The following OXNAD1 variants were observed in gnomAD, a reference collection of about 807,000 sequenced individuals.
OXNAD1 encodes oxidoreductase NAD binding domain containing 1.
In OXNAD1, 34 loss-of-function variants were observed where a neutral mutation model predicts 32.9. That is an observed-to-expected ratio of 1.03 (90% CI 0.79 to 1.38). The LOEUF is 1.38. Among genes scored for constraint, OXNAD1 ranks in the 40% most tolerant of loss-of-function variants. The pLI, the probability that OXNAD1 is intolerant of heterozygous loss-of-function variation, is 0.00. For synonymous variants in OXNAD1, 134 were observed against 135.2 expected (o/e 0.99, Z 0.06); for missense variants, 407 against 379.4 (o/e 1.07, Z -0.60).
chr3:16,272,130 T>A (rs1231394584), intron 4 of OXNAD1: 1 of 445,978 alleles, frequency 2.2e-6, no homozygotes, highest in Admixed American at 2.6e-5. Flanking sequence ...GTTCTTGTTC[T>A]CATTCCTGCT....
chr3:16,303,618 G>A lies in OXNAD1; in HGVS notation c.*56G>A, dbSNP rs558199411. The A allele has an allele frequency of 3.6e-5, 56 of 1,541,202 alleles. No individual in the cohort carries two copies. In the East Asian group the frequency reaches 1.1e-3, roughly 31 times the overall value. Reference sequence around the variant, plus strand: ...GTGAGATCTACTCAGGAGAGCTCCTGTCCTTTGTGGCATGATTAATTTTTT... The same window carrying A: ...GTGAGATCTACTCAGGAGAGCTCCTATCCTTTGTGGCATGATTAATTTTTT... On this transcript the variant is annotated 3_prime_UTR_variant, in exon 9 of 9. Coordinates refer to ENST00000285083, the MANE Select transcript of OXNAD1 (RefSeq NM_138381.5). The surrounding 1 kb of genome is among the most constrained non-coding windows in gnomAD (Gnocchi z 4.8).
chr3:16,328,848 T>C (rs1407469220), intron 9 of OXNAD1, among the ~76,000 whole-genome samples: 1 of 152,250 alleles, frequency 6.6e-6, no homozygotes, highest in Non-Finnish European at 1.5e-5. Flanking sequence ...GGCCAGAATC[T>C]ATCAGCTGTT....
In OXNAD1 at chr3:16,324,616, C is replaced by A. The variant is rs903809741; in HGVS notation, c.*31-12496C>A. Among the ~76,000 whole-genome samples, 6 of 144,880 alleles carry A rather than the reference C, an allele frequency of 4.1e-5. 1 individual carries two copies. Among genetic ancestry groups the A allele is most frequent in the Admixed American group, 2.1e-4 (3 of 14,500 alleles). On this transcript the variant is annotated intron_variant, in intron 9 of 9. Coordinates refer to the OXNAD1 transcript ENST00000435829. ...AATAAATAACAGAATGTCCCTGACC[C>A]CCCCCCTTTTAAGGTTGCATAGTAT...
At chr3:16,319,056 G>A (rs1219055801) in intron 9 of OXNAD1, among the ~76,000 whole-genome samples, 3 of 152,188 alleles carry the variant, frequency 2.0e-5, no homozygotes, top group Admixed American at 1.3e-4. Flanking sequence ...CAGGCACCGT[G>A]TTATGGTTCG....
At chr3:16,307,003 T>G (rs2067607934), downstream of OXNAD1, among the ~76,000 whole-genome samples, 1 of 152,240 alleles carries the variant, frequency 6.6e-6, no homozygotes. Context: ...ATTATCCATT[T>G]CTGTTATTCT....
intron 9 of OXNAD1, among the ~76,000 whole-genome samples, chr3:16,331,680 C>A (rs555284239): frequency 6.6e-6 from 1 of 152,226 alleles, no homozygotes; most frequent in Non-Finnish European, 1.5e-5. Flanking sequence ...GACATCATTT[C>A]TGAAACTTTG....
In OXNAD1 at chr3:16,301,678, A is replaced by C; in HGVS notation, c.485A>C (p.Asp162Ala). 1 of 1,613,856 alleles carries C rather than the reference A, an allele frequency of 6.2e-7. No homozygotes were observed. The highest frequency in any genetic ancestry group is 1.3e-5 in the African/African-American group (1 of 75,010). Residue 162 changes from aspartate to alanine, a missense_variant, in exon 7 of 9, where the codon GAC (aspartate) becomes GCC (alanine). Physicochemically the swap from Asp to Ala is moderately radical, Grantham distance 126. Transcript: ENST00000285083. The surrounding 1 kb of genome is among the most constrained non-coding windows in gnomAD (Gnocchi z 4.1). The part of the protein sequence containing the change: ...AVRVGGEFFF[D>A]PQPADASRNL... The stretch of plus-strand genomic sequence containing the variant: ...AGAGTGGGTGGAGAGTTCTTCTTTG[A>C]CCCTCAGCCTGCGGATGCCTCTAGA...
Position 16,345,817 on chromosome 3 carries a change from TGCGCGC to T in OXNAD1, c.*31-3353_*31-3348del, listed in dbSNP as rs1553726165. Among the ~76,000 whole-genome samples the T allele has an allele frequency of 0.02, 1,490 of 74,524 alleles. 11 individuals are homozygous for T. Among genetic ancestry groups the T allele is most frequent in the Middle Eastern group, 0.054 (8 of 148 alleles). 48.9% of individuals were successfully genotyped at this position (74,524 alleles called of 152,430 possible). The stretch of plus-strand genomic sequence containing the variant: ...GTGTGTGTGTGTGTGTGTGTGTGTG[TGCGCGC>T]GCGCGTGCGCGCACGCGCACATGTG... On this transcript the variant is annotated intron_variant, in intron 9 of 9. Coordinates refer to the OXNAD1 transcript ENST00000606098. The surrounding 1 kb of genome is among the most constrained non-coding windows in gnomAD (Gnocchi z 5.2).
rs1214331729 is a variant in OXNAD1, at chr3:16,346,778, A to G, written c.*31-2398A>G. 6.6e-6 allele frequency among the ~76,000 whole-genome samples: 1 copy of G among 152,200 alleles called. No individual in the cohort carries two copies. Among genetic ancestry groups the G allele is most frequent in the African/African-American group, 2.4e-5 (1 of 41,448 alleles). ...TCTTCACGGTTGTCATCACATTTGC[A>G]TGAGACACCTAGAATTGCCACAGTC... is the stretch of plus-strand genomic sequence containing the variant. On this transcript the variant is annotated intron_variant, in intron 9 of 9. Coordinates refer to the OXNAD1 transcript ENST00000606098. This position sits in a 1 kb window ranked among gnomAD's most constrained non-coding sequence, Gnocchi z 4.4.
intron 4 of OXNAD1, among the ~76,000 whole-genome samples, chr3:16,272,647 C>CTTTT (rs35628992): frequency 2.7e-5 from 3 of 112,756 alleles, no homozygotes; most frequent in East Asian, 2.5e-4. Context: ...GCTTAAAGTT[C>CTTTT]TTTTTTTTTT....
chr3:16,304,152 T>A lies in OXNAD1; in HGVS notation c.*590T>A, dbSNP rs2067383364. ...AATATCCAGCATATTTGCTTTCTTGTTAATGAATATCCTAAGTGTGTATCC... is the reference window on the plus strand; with the variant it reads ...AATATCCAGCATATTTGCTTTCTTGATAATGAATATCCTAAGTGTGTATCC... On this transcript the variant is annotated 3_prime_UTR_variant, in exon 9 of 9. Transcript: ENST00000285083. The surrounding 1 kb of genome is among the most constrained non-coding windows in gnomAD (Gnocchi z 4.6). 6.6e-6 allele frequency: 1 copy of A among 152,310 alleles called. No individual in the cohort carries two copies. The highest frequency in any genetic ancestry group is 2.1e-4 in the South Asian group (1 of 4,838). The allele number at this position is 152,310 out of a possible 1,614,324, so 9.4% of individuals were successfully genotyped here. A position where few individuals can be genotyped will look rare whatever the true frequency, so the allele number is the denominator to read the frequency against.
Position 16,344,375 on chromosome 3 carries a change from A to G in OXNAD1, c.*31-4801A>G, listed in dbSNP as rs908941562. On this transcript the variant is annotated intron_variant, in intron 9 of 9. Transcript: ENST00000606098. The surrounding 1 kb of genome is among the most constrained non-coding windows in gnomAD (Gnocchi z 4.4). ...AGGATGCTTCCTATAGGCATCAACTATAATCTAATTTAGAAACAACATGTA... is the reference window on the plus strand; with the variant it reads ...AGGATGCTTCCTATAGGCATCAACTGTAATCTAATTTAGAAACAACATGTA... 1.3e-5 allele frequency among the ~76,000 whole-genome samples: 2 copies of G among 151,974 alleles called. No individual in the cohort carries two copies. Among genetic ancestry groups the G allele is most frequent in the Non-Finnish European group, 2.9e-5 (2 of 68,006 alleles).
intron 5 of OXNAD1, among the ~76,000 whole-genome samples, chr3:16,286,684 T>A (rs1028470857): frequency 3.3e-5 from 5 of 152,214 alleles, no homozygotes; most frequent in Admixed American, 3.3e-4. Context: ...AATTGCTGTC[T>A]TGTGTTTTCC....
rs2071755957 is a variant in OXNAD1, at chr3:16,346,869, A to G, written c.*31-2307A>G. On this transcript the variant is annotated intron_variant, in intron 9 of 9. Coordinates refer to the OXNAD1 transcript ENST00000606098. This position sits in a 1 kb window ranked among gnomAD's most constrained non-coding sequence, Gnocchi z 4.4. Reference sequence around the variant, plus strand: ...CTGAGGATGAGTACAGAAAGATGGCAACATCTGGATCCCTGGTGGCATCTT... The same window carrying G: ...CTGAGGATGAGTACAGAAAGATGGCGACATCTGGATCCCTGGTGGCATCTT... 6.6e-6 allele frequency among the ~76,000 whole-genome samples: 1 copy of G among 152,174 alleles called. No individual in the cohort carries two copies. Among genetic ancestry groups the G allele is most frequent in the African/African-American group, 2.4e-5 (1 of 41,440 alleles).
At chr3:16,308,119 T>A (rs2067698219), downstream of OXNAD1, among the ~76,000 whole-genome samples, 1 of 152,218 alleles carries the variant, frequency 6.6e-6, no homozygotes, top group Non-Finnish European at 1.5e-5. This position sits in a 1 kb window ranked among gnomAD's most constrained non-coding sequence, Gnocchi z 4.4. Flanking sequence ...TTAAATACTT[T>A]GGGAAACTAT....
Position 16,317,155 on chromosome 3 carries a change from G to T in OXNAD1, c.*30+13563G>T. On this transcript the variant is annotated intron_variant, in intron 9 of 9. Coordinates refer to the OXNAD1 transcript ENST00000435829. The surrounding 1 kb of genome is among the most constrained non-coding windows in gnomAD (Gnocchi z 4.3). ...TCTCATTTTCTTCTGCTTGTTGTTT[G>T]TCTCTGGCACTGAGTTTACCTTTTG... 1 of 1,613,606 alleles carries T rather than the reference G, an allele frequency of 6.2e-7. No individual in the cohort carries two copies. Among genetic ancestry groups the T allele is most frequent in the Non-Finnish European group, 8.5e-7 (1 of 1,179,960 alleles).
Position 16,321,544 on chromosome 3 carries a change from G to T in OXNAD1, c.*31-15568G>T, listed in dbSNP as rs2069055520. The stretch of plus-strand genomic sequence containing the variant: ...CTTGTCAGCTGAGGAGTGAGGAGGG[G>T]ACACCCAGTGCAGAAGATTCTTCCA... On this transcript the variant is annotated intron_variant, in intron 9 of 9. Coordinates refer to the OXNAD1 transcript ENST00000435829. The surrounding 1 kb of genome is among the most constrained non-coding windows in gnomAD (Gnocchi z 4.8). Among the ~76,000 whole-genome samples the T allele has an allele frequency of 6.6e-6, 1 of 152,080 alleles. No individual in the cohort carries two copies. The highest frequency in any genetic ancestry group is 2.4e-5 in the African/African-American group (1 of 41,402).
In OXNAD1 at chr3:16,345,838, G is replaced by A. The variant is rs527285580; in HGVS notation, c.*31-3338G>A. 4.5e-4 allele frequency among the ~76,000 whole-genome samples: 30 copies of A among 66,610 alleles called. No individual in the cohort carries two copies. Among genetic ancestry groups the A allele is most frequent in the African/African-American group, 1.8e-3 (21 of 11,718 alleles). 43.7% of individuals were successfully genotyped at this position (66,610 alleles called of 152,430 possible). A position where few individuals can be genotyped will look rare whatever the true frequency, so the allele number is the denominator to read the frequency against. On this transcript the variant is annotated intron_variant, in intron 9 of 9. Coordinates refer to the OXNAD1 transcript ENST00000606098. This position sits in a 1 kb window ranked among gnomAD's most constrained non-coding sequence, Gnocchi z 5.2. ...TGTGTGCGCGCGCGCGTGCGCGCAC[G>A]CGCACATGTGCATGTGTATGTGTAT...
At chr3:16,274,791 G>A (rs1035958832) in intron 4 of OXNAD1, among the ~76,000 whole-genome samples, 2 of 152,154 alleles carry the variant, frequency 1.3e-5, no homozygotes, top group African/African-American at 2.4e-5. Context: ...GTTCTTTCAT[G>A]TTATGACCGA....
Sources: allele counts gnomAD v4.1 joint callset (sites outside exome capture counted in the v4.1 genomes callset), GRCh38; gene constraint gnomAD v4.1.1; non-coding constraint Gnocchi (gnomAD v3.1); transcripts MANE v1.5; gene names NCBI Gene and HGNC (gene_info 2026-07-23, HGNC 2026-07-21).